Variants in RNF123 observed in about 807,000 individuals in gnomAD.
The protein encoded by RNF123 is E3 ubiquitin-protein ligase RNF123.
A neutral mutation model predicts 168.5 loss-of-function variants in RNF123; 86 were observed. The ratio of observed to expected loss-of-function variants is 0.51; its 90% confidence interval spans 0.43 to 0.61. The LOEUF is 0.61. RNF123 is among the 20% of genes least tolerant of loss of function. The pLI is 0.00. For missense variants in RNF123, 1,419 were observed against 1,729.7 expected (o/e 0.82, Z 3.19); for synonymous variants, 666 against 689.1 (o/e 0.97, Z 0.52).
chr3:49,706,966 C>G, intron 26 of RNF123, 68 bp downstream of exon 26: 1 of 1,360,678 alleles, frequency 7.3e-7, no homozygotes, highest in South Asian at 1.2e-5. Flanking sequence ...AAGATTGTGC[C>G]AGGGCCCTTG....
At chr3:49,713,070 G>A in intron 27 of RNF123, 3 of 613,926 alleles carry the variant, frequency 4.9e-6, no homozygotes, top group Middle Eastern at 2.7e-4. Context: ...CCCTGCTAGG[G>A]TCCACATCCG....
At chr3:49,713,293 C>T in intron 27 of RNF123, 4 of 599,614 alleles carry the variant, frequency 6.7e-6, no homozygotes, top group African/African-American at 1.9e-5. Flanking sequence ...GGTCAGGGCT[C>T]CTGCCAGGGC....
rs773370191 is a variant in RNF123, at chr3:49,719,397, G to A, written c.3501-1114G>A. On this transcript the variant is annotated intron_variant, in intron 35 of 38. Transcript: ENST00000327697. ...GGAGCGCACGGGGCGGGAAACCCTC[G>A]GAGTCCGGGGTGCCTAACCCAACGC... The A allele has an allele frequency of 9.3e-6, 15 of 1,613,498 alleles. No homozygotes were observed. In the South Asian group the frequency reaches 1.6e-4, roughly 18 times the overall value.
chr3:49,721,033 A>G lies in RNF123; in HGVS notation c.3752A>G (p.Glu1251Gly). 1 of 1,612,474 alleles carries G rather than the reference A, an allele frequency of 6.2e-7. No homozygotes were observed. The highest frequency in any genetic ancestry group is 1.1e-5 in the South Asian group (1 of 90,928). ...AAAASLPTSE[E>G]DLCPICYAHP... ...TCCTCCCTGCAGCCCACCAGTGAGG[A>G]GGACCTCTGCCCCATCTGCTATGCC... Residue 1251 changes from glutamate to glycine, a missense_variant, in exon 38 of 39, where the codon GAG becomes GGG. Physicochemically the swap from Glu to Gly is moderately conservative, Grantham distance 98 (BLOSUM62 -2). Coordinates refer to ENST00000327697, the MANE Select transcript of RNF123 (RefSeq NM_022064.5).
Position 49,697,216 on chromosome 3 carries a change from AG to A in RNF123, c.242del (p.Ser81ThrfsTer35). The A allele has an allele frequency of 6.2e-7, 1 of 1,614,000 alleles. No individual in the cohort carries two copies. The highest frequency in any genetic ancestry group is 8.5e-7 in the Non-Finnish European group (1 of 1,179,908). On this transcript the variant is annotated frameshift_variant, in exon 4 of 39. Coordinates refer to ENST00000327697, the MANE Select transcript of RNF123 (RefSeq NM_022064.5). LOFTEE classifies it high-confidence loss of function. ...LLQVDNEEEE[S>X]QGQVEGRLGP... Reference sequence around the variant, plus strand: ...ACAGGTGGACAATGAGGAGGAGGAAAGCCAGGGTATGTGGCCACCTCTGGAG... The same window carrying A: ...ACAGGTGGACAATGAGGAGGAGGAAACCAGGGTATGTGGCCACCTCTGGAG...
At chr3:49,695,839 C>G (rs904533874) in intron 3 of RNF123, among the ~76,000 whole-genome samples, 2 of 152,162 alleles carry the variant, frequency 1.3e-5, no homozygotes, top group African/African-American at 4.8e-5. Context: ...AGCAGCTGAG[C>G]TCAGGACAGC....
At chr3:49,710,733 G>A (rs2080130719) in intron 26 of RNF123, among the ~76,000 whole-genome samples, 1 of 152,012 alleles carries the variant, frequency 6.6e-6, no homozygotes, top group African/African-American at 2.4e-5. Flanking sequence ...TCTTTTTCAT[G>A]CTTAGTTGCT....
chr3:49,700,550 G>A lies in RNF123; in HGVS notation c.1189G>A (p.Asp397Asn). 6.2e-7 allele frequency: 1 copy of A among 1,614,210 alleles called. No individual in the cohort carries two copies. Among genetic ancestry groups the A allele is most frequent in the South Asian group, 1.1e-5 (1 of 91,086 alleles). Reference sequence around the variant, plus strand: ...GTACCGATTCTCACCCATTGTCCCAGACCTGGGCCTACAGGTGGGAGCCCC... The same window carrying A: ...GTACCGATTCTCACCCATTGTCCCAAACCTGGGCCTACAGGTGGGAGCCCC... ...RLYRFSPIVP[D>N]LGLQIHYLRL... The change falls in exon 14 of 39, where the codon GAC becomes AAC. Residue 397 changes from aspartate to asparagine, a missense_variant. Around this residue, in one of 5 missense-constraint regions of RNF123, gnomAD observed 349 missense variants for 344.9 expected, o/e 1.01. Transcript: ENST00000327697.
chr3:49,716,201 C>A, intron 34 of RNF123, 24 bp downstream of exon 34: 2 of 1,611,306 alleles, frequency 1.2e-6, no homozygotes, highest in African/African-American at 1.3e-5. Flanking sequence ...TGCCCTGCAC[C>A]CCAACACACT....
chr3:49,714,315 G>A, intron 31 of RNF123, 141 bp downstream of exon 31: 1 of 733,088 alleles, frequency 1.4e-6, no homozygotes, highest in Non-Finnish European at 2.3e-6. Flanking sequence ...CGTGTCCCCT[G>A]GGGTTTCCAC....
intron 35 of RNF123, 98 bp from the exon 36 acceptor site, chr3:49,720,413 T>G: frequency 8.0e-7 from 1 of 1,242,770 alleles, no homozygotes. Flanking sequence ...GGGGGGGTGA[T>G]CATGTACGAG....
Position 49,711,416 on chromosome 3 carries a change from C to A in RNF123, c.2497-1063C>A, listed in dbSNP as rs72936043. Reference sequence around the variant, plus strand: ...ATAGTCTCACCAGGGTCTCTGTCTGCCCCCATCTCAATCCGGCCGGCACAT... The same window carrying A: ...ATAGTCTCACCAGGGTCTCTGTCTGACCCCATCTCAATCCGGCCGGCACAT... On this transcript the variant is annotated intron_variant, in intron 26 of 38. Coordinates refer to ENST00000327697, the MANE Select transcript of RNF123 (RefSeq NM_022064.5). Among the ~76,000 whole-genome samples the A allele has an allele frequency of 5.3e-3, 811 of 152,290 alleles. 10 individuals carry two copies. The highest frequency in any genetic ancestry group is 0.018 in the African/African-American group (766 of 41,566).
chr3:49,695,930 C>G (rs1419054157), intron 3 of RNF123, among the ~76,000 whole-genome samples: 1 of 152,206 alleles, frequency 6.6e-6, no homozygotes, highest in African/African-American at 2.4e-5. Flanking sequence ...ACAGATTTTT[C>G]CCAACTCCTT....
intron 15 of RNF123, 133 bp downstream of exon 15, chr3:49,700,842 A>G (rs2054367967): frequency 2.1e-6 from 2 of 932,638 alleles, no homozygotes; most frequent in East Asian, 2.5e-5. Context: ...CCAACGTGGC[A>G]TTTTCTCTAC....
At position 49,698,838 on chromosome 3, in the gene RNF123, C is replaced by G. The variant is rs753818534; in HGVS notation, c.638+16C>G. ...CCTTCTGCCTGTGAGTTTCCTATCT[C>G]TATGCACAGGCCTGGCCCCTGGGGC... On this transcript the variant is annotated intron_variant, in intron 9 of 38. Transcript: ENST00000327697. The G allele has an allele frequency of 6.2e-7, 1 of 1,613,624 alleles. No individual in the cohort carries two copies.
rs2080222363 is a variant in RNF123, at chr3:49,715,497, A to G, written c.3011-78A>G. On this transcript the variant is annotated intron_variant, in intron 31 of 38. Transcript: ENST00000327697. Reference sequence around the variant, plus strand: ...TTTCTGTCCTTATACCAAAGCCTCAATGGGCGAGGACAGAGGCAAACAGGC... The same window carrying G: ...TTTCTGTCCTTATACCAAAGCCTCAGTGGGCGAGGACAGAGGCAAACAGGC... 3.2e-6 allele frequency: 5 copies of G among 1,559,422 alleles called. No individual in the cohort carries two copies. In the Admixed American group the frequency reaches 5.2e-5, roughly 16 times the overall value.
In RNF123 at chr3:49,702,022, G is replaced by A. The variant is rs376635007; in HGVS notation, c.1496-61G>A. 11 of 1,585,686 alleles carry A rather than the reference G, an allele frequency of 6.9e-6. No individual in the cohort carries two copies. In the African/African-American group the frequency reaches 1.2e-4, roughly 17 times the overall value. On this transcript the variant is annotated intron_variant, in intron 17 of 38. Coordinates refer to ENST00000327697, the MANE Select transcript of RNF123 (RefSeq NM_022064.5). ...TGGGGAACCCTGGTGGTGGAGCCCT[G>A]GCCCAAACCTGCCCCCCATCTCCTG...
Position 49,700,527 on chromosome 3 carries a change from A to G in RNF123, c.1166A>G (p.Tyr389Cys). ...KQLMMSLLRLYRFSPIVPDLG... is the reference protein window; with the variant it reads ...KQLMMSLLRLCRFSPIVPDLG... ...TTGATGATGTCTCTGCTTCGGCTGTACCGATTCTCACCCATTGTCCCAGAC... is the reference window on the plus strand; with the variant it reads ...TTGATGATGTCTCTGCTTCGGCTGTGCCGATTCTCACCCATTGTCCCAGAC... The change falls in exon 14 of 39, where the codon TAC becomes TGC. Residue 389 changes from tyrosine to cysteine, a missense_variant. Physicochemically the swap from Tyr to Cys is radical, Grantham distance 194. Coordinates refer to ENST00000327697, the MANE Select transcript of RNF123 (RefSeq NM_022064.5). 6.2e-7 allele frequency: 1 copy of G among 1,614,078 alleles called. No individual in the cohort carries two copies. The highest frequency in any genetic ancestry group is 8.5e-7 in the Non-Finnish European group (1 of 1,180,000).
intron 35 of RNF123, chr3:49,719,046 C>G: frequency 6.2e-7 from 1 of 1,613,896 alleles, no homozygotes; most frequent in Non-Finnish European, 8.5e-7. Flanking sequence ...GGTTATTGAA[C>G]AGAAGCAGCT....
Sources: gnomAD v4.1 joint callset for allele counts (sites outside exome capture counted in the v4.1 genomes callset) on GRCh38, gnomAD v4.1.1 for gene constraint, gnomAD v4.1.1 regional missense constraint, MANE v1.5 for transcripts, NCBI Gene and HGNC (gene_info 2026-07-23, HGNC 2026-07-21) for gene names.